Variants in TOR1AIP1 observed in about 807,000 individuals in gnomAD.
TOR1AIP1 encodes the protein torsin-1A-interacting protein 1.
A neutral mutation model predicts 63.3 loss-of-function variants in TOR1AIP1; 54 were observed. The observed-to-expected ratio is 0.85, with a 90% confidence interval of 0.69 to 1.07. TOR1AIP1 has a LOEUF of 1.07. TOR1AIP1 is among the 50% of genes least tolerant of loss of function. The pLI, the probability that TOR1AIP1 is intolerant of heterozygous loss-of-function variation, is 0.00. For missense variants in TOR1AIP1, 736 were observed against 715.0 expected (o/e 1.03, Z -0.33); for synonymous variants, 294 against 273.5 (o/e 1.07, Z -0.74).
intron 1 of TOR1AIP1, chr1:179,883,537 C>T (rs1379370950): frequency 4.5e-6 from 2 of 440,730 alleles, no homozygotes; most frequent in Admixed American, 4.9e-5. Context: ...ATACTTTCAC[C>T]GAAATGGGGT....
intron 6 of TOR1AIP1, among the ~76,000 whole-genome samples, chr1:179,906,885 C>G (rs1306810405): frequency 1.3e-5 from 2 of 151,344 alleles, no homozygotes; most frequent in Non-Finnish European, 2.9e-5. Context: ...CTACAGGCGC[C>G]CACCACCACG....
intron 3 of TOR1AIP1, among the ~76,000 whole-genome samples, chr1:179,899,130 A>G (rs758308092): frequency 5.3e-5 from 8 of 152,222 alleles, no homozygotes; most frequent in Non-Finnish European, 1.2e-4. Flanking sequence ...GGTTAAAATC[A>G]GTAGAGATAA....
intron 2 of TOR1AIP1, among the ~76,000 whole-genome samples, chr1:179,885,922 G>A (rs1647897187): frequency 6.6e-6 from 1 of 151,952 alleles, no homozygotes; most frequent in South Asian, 2.1e-4. Flanking sequence ...TGTATTTTTA[G>A]TAGACATAGG....
In TOR1AIP1 at chr1:179,882,962, T is replaced by C. The variant is rs771016825; in HGVS notation, c.460T>C (p.Ser154Pro). The C allele has an allele frequency of 1.2e-5, 20 of 1,612,102 alleles. No individual in the cohort carries two copies. The South Asian group carries it at 2.0e-4, about 16-fold the overall frequency. ...PVMTRRGLRD[S>P]HSSEEDEASS... ...TATGACCAGGAGAGGGCTGCGGGAC[T>C]CTCATTCCTCTGAAGGTGAGGACCG... Residue 154 changes from serine (S) to proline (P), a missense_variant, in exon 1 of 10, where the codon TCT becomes CCT. By Grantham distance (74) the Ser-to-Pro change is moderately conservative. Around this residue, in one of 2 missense-constraint regions of TOR1AIP1, gnomAD observed 464 missense variants for 371.0 expected, o/e 1.25. Transcript: ENST00000606911.
intron 4 of TOR1AIP1, 122 bp downstream of exon 4, chr1:179,900,289 T>C: frequency 3.3e-6 from 2 of 599,404 alleles, no homozygotes; most frequent in Non-Finnish European, 5.8e-6. Flanking sequence ...ATGCCTGTAG[T>C]CTCAGCTACT....
intron 9 of TOR1AIP1, among the ~76,000 whole-genome samples, chr1:179,916,700 C>CTTTTTTTTTT (rs3029850): frequency 1.6e-4 from 15 of 95,174 alleles, no homozygotes; most frequent in East Asian, 3.3e-4. Flanking sequence ...GCATCCTTTT[C>CTTTTTTTTTT]TTTTTTTTTT....
In TOR1AIP1 at chr1:179,882,637, C is replaced by A. The variant is rs1647747741; in HGVS notation, c.135C>A (p.Tyr45Ter). ...GCGGCAGCAGCGATGCGCCTGCGTA[C>A]AGAACTCCTCCGTCGCGCCAGGGCC... The part of the protein sequence containing the change: ...QNGGSSDAPA[Y>*]RTPPSRQGRR... The change falls in exon 1 of 10, where the codon TAC becomes TAA. Residue 45 changes from tyrosine (Y) to a stop codon, truncating the protein, a stop_gained. Transcript: ENST00000606911. LOFTEE classifies it high-confidence loss of function. The A allele has an allele frequency of 6.4e-7, 1 of 1,563,776 alleles. No individual in the cohort carries two copies. Among genetic ancestry groups the A allele is most frequent in the African/African-American group, 1.4e-5 (1 of 73,120 alleles).
chr1:179,892,209 C>T (rs1571724885), intron 3 of TOR1AIP1, among the ~76,000 whole-genome samples: 1 of 152,124 alleles, frequency 6.6e-6, no homozygotes, highest in Non-Finnish European at 1.5e-5. Flanking sequence ...TGGTGGCTCA[C>T]GCCTATAATC....
chr1:179,911,426 C>T (rs565747943), intron 8 of TOR1AIP1, among the ~76,000 whole-genome samples: 6 of 152,308 alleles, frequency 3.9e-5, no homozygotes, highest in South Asian at 2.1e-4. Context: ...CATTGTCACC[C>T]GACGTTAGCA....
At chr1:179,908,800 G>A (rs1648735997) in intron 8 of TOR1AIP1, 127 bp downstream of exon 8, 1 of 741,912 alleles carries the variant, frequency 1.3e-6, no homozygotes. Context: ...GTACAGCTAT[G>A]ATTACTAGTT....
chr1:179,889,086 A>G (rs1367071545), intron 2 of TOR1AIP1, among the ~76,000 whole-genome samples: 1 of 152,160 alleles, frequency 6.6e-6, no homozygotes, highest in African/African-American at 2.4e-5. Flanking sequence ...AAAAAATGCA[A>G]ATTTCTCCAT....
intron 2 of TOR1AIP1, among the ~76,000 whole-genome samples, chr1:179,888,457 C>A (rs1187870420): frequency 6.6e-6 from 1 of 152,072 alleles, no homozygotes; most frequent in Non-Finnish European, 1.5e-5. Flanking sequence ...AGTATGTTGC[C>A]TAGGCTGGCA....
intron 3 of TOR1AIP1, among the ~76,000 whole-genome samples, chr1:179,893,410 C>T (rs1351081010): frequency 6.6e-6 from 1 of 152,110 alleles, no homozygotes; most frequent in African/African-American, 2.4e-5. Flanking sequence ...ACTCTTGACT[C>T]TGTTCTCAAA....
chr1:179,912,409 A>G (rs1219267620), intron 8 of TOR1AIP1, among the ~76,000 whole-genome samples: 1 of 152,198 alleles, frequency 6.6e-6, no homozygotes, highest in African/African-American at 2.4e-5. Context: ...TACTTTGGAC[A>G]ATGTCCTGCC....
chr1:179,899,757 G>C (rs1648390724), intron 3 of TOR1AIP1, among the ~76,000 whole-genome samples: 1 of 152,070 alleles, frequency 6.6e-6, no homozygotes, highest in African/African-American at 2.4e-5. Flanking sequence ...CTATTCTCCT[G>C]CCTCAGCCTC....
chr1:179,912,002 C>CTTTTTTTTTTTTTTTTTTTTTTTTTTT (rs1558046486), intron 8 of TOR1AIP1, among the ~76,000 whole-genome samples: 3 of 127,988 alleles, frequency 2.3e-5, no homozygotes, highest in Non-Finnish European at 5.0e-5. Context: ...TTTCTTTTTT[C>CTTTTTTTTTTTTTTTTTTTTTTTTTTT]TTTTTTTTCT....
At chr1:179,911,006 TTTGTC>T (rs1256397602) in intron 8 of TOR1AIP1, among the ~76,000 whole-genome samples, 6 of 152,366 alleles carry the variant, frequency 3.9e-5, no homozygotes, top group African/African-American at 1.4e-4. Context: ...GCATTTCTAC[TTTGTC>T]TTAAGTTACT....
chr1:179,917,344 C>T (rs915522458), intron 9 of TOR1AIP1, 108 bp from the exon 10 acceptor site: 1 of 913,382 alleles, frequency 1.1e-6, no homozygotes, highest in Non-Finnish European at 1.7e-6. Context: ...TAAAGTCCTT[C>T]CTCTTTTACC....
In TOR1AIP1 at chr1:179,918,066, G is replaced by T. The variant is rs1558048612; in HGVS notation, c.1579G>T (p.Glu527Ter). 1.2e-6 allele frequency: 2 copies of T among 1,614,180 alleles called. No individual in the cohort carries two copies. The highest frequency in any genetic ancestry group is 1.7e-6 in the Non-Finnish European group (2 of 1,180,028). ...ETLGTSLGLK[E>*]VEEKVRDFLK... ...ACTTGGAACAAGTCTAGGCCTAAAG[G>T]AAGTTGAAGAAAAAGTAAGAGATTT... Residue 527 changes from glutamate to a stop codon, truncating the protein, a stop_gained, in exon 10 of 10, where the codon GAA becomes TAA. Transcript: ENST00000606911. LOFTEE classifies it high-confidence loss of function.
Sources: allele counts gnomAD v4.1 joint callset (sites outside exome capture counted in the v4.1 genomes callset), GRCh38; gene constraint gnomAD v4.1.1; regional missense constraint gnomAD v4.1.1; transcripts MANE v1.5; gene names NCBI Gene and HGNC (gene_info 2026-07-23, HGNC 2026-07-21).